OPRM1: variants seen among roughly 807,000 people sequenced by gnomAD.
The protein encoded by OPRM1 is mu-type opioid receptor.
Under a neutral mutation model 31.8 loss-of-function variants are expected in OPRM1, and 27 were observed. The observed-to-expected ratio is 0.85, with a 90% CI of 0.63 to 1.17. The LOEUF (loss-of-function observed/expected upper bound fraction) is 1.17. Ranked by LOEUF, OPRM1 falls within the 50% of genes most tolerant of loss-of-function variation. The probability of loss-of-function intolerance (pLI) is 0.00; values close to 1 mark genes in which losing one functional copy is unlikely to be tolerated. For missense variants in OPRM1, 536 were observed against 511.1 expected (o/e 1.05, Z -0.47); for synonymous variants, 196 against 189.9 (o/e 1.03, Z -0.26).
chr6:154,159,570 C>T (rs979563646), intron 3 of OPRM1: 5 of 484,854 alleles, frequency 1.0e-5, no homozygotes, highest in Admixed American at 4.1e-5. Context: ...CCCACATCAC[C>T]GTGAGCTCCC....
rs1489429167 is a variant in OPRM1 at position 154,172,111 on chromosome 6, T to TA, written c.1165-74581dup. On this transcript the variant is annotated intron_variant, in intron 3 of 3. Coordinates refer to the OPRM1 transcript ENST00000337049. Reference sequence around the variant, plus strand: ...CAATTGAGCCACTAAAAGAAAAAAATATTTTTGACTAAAACATTTTGTTTG... The same window carrying TA: ...CAATTGAGCCACTAAAAGAAAAAAATAATTTTTGACTAAAACATTTTGTTTG... Among the ~76,000 whole-genome samples, 2 of 152,162 alleles carry TA rather than the reference T, an allele frequency of 1.3e-5. 1 individual carries two copies. The highest frequency in any genetic ancestry group is 2.9e-5 in the Non-Finnish European group (2 of 68,022).
intron 3 of OPRM1, among the ~76,000 whole-genome samples, chr6:154,143,825 C>A (rs1037039766): frequency 1.3e-5 from 2 of 152,140 alleles, no homozygotes; most frequent in Non-Finnish European, 2.9e-5. Context: ...ACCACACACA[C>A]ACACACACAA....
chr6:154,080,715 G>GT (rs1381586286), intron 1 of OPRM1, among the ~76,000 whole-genome samples: 1 of 152,142 alleles, frequency 6.6e-6, no homozygotes, highest in Non-Finnish European at 1.5e-5. Flanking sequence ...TGACCCGTAC[G>GT]TGAGTGGCTC....
intron 1 of OPRM1, among the ~76,000 whole-genome samples, chr6:154,047,270 G>A (rs1781299614): frequency 6.7e-6 from 1 of 149,140 alleles, no homozygotes; most frequent in Non-Finnish European, 1.5e-5. Flanking sequence ...TTACTGCACT[G>A]GGAGGCCCAA....
chr6:154,011,244 G>A (rs1007983705), intron 1 of OPRM1, among the ~76,000 whole-genome samples: 2 of 152,140 alleles, frequency 1.3e-5, no homozygotes, highest in Admixed American at 1.3e-4. Context: ...TTTTCTCACA[G>A]TGGCCATAGA....
intron 3 of OPRM1, among the ~76,000 whole-genome samples, chr6:154,200,427 T>C (rs1016371479): frequency 3.3e-5 from 5 of 152,140 alleles, no homozygotes; most frequent in Non-Finnish European, 5.9e-5. Context: ...AAGATAATTA[T>C]GAAAAAGGAG....
At chr6:154,099,922 G>A (rs9384179) in intron 3 of OPRM1, among the ~76,000 whole-genome samples, 99,781 of 141,266 alleles carry the variant, frequency 0.71, 35,460 homozygotes, top group East Asian at 0.9. Context: ...ATCATAACAT[G>A]TATTATCATA....
chr6:154,089,656 G>A lies in OPRM1; in HGVS notation c.291-170G>A, dbSNP rs1040451959. The A allele has an allele frequency of 7.2e-5, 42 of 584,932 alleles. No homozygotes were observed. The African/African-American group carries it at 7.5e-4, about 10-fold the overall frequency. The allele number at this position is 584,932 out of a possible 1,614,324, so 36.2% of individuals were successfully genotyped here. A position where few individuals can be genotyped will look rare whatever the true frequency, so the allele number is the denominator to read the frequency against. ...TATTATTGCAGCTATTTAGCCAATAGGTACATCATTGACATCATTGTAAAT... is the reference window on the plus strand; with the variant it reads ...TATTATTGCAGCTATTTAGCCAATAAGTACATCATTGACATCATTGTAAAT... On this transcript the variant is annotated intron_variant, in intron 1 of 3. Transcript: ENST00000330432.
rs114824308 is a variant in OPRM1, at chr6:154,127,268, C to T, written c.*8547C>T. ...AGATGTCATGCTTTGAAATCAGTGGCCATTATCATCTAAGGATTCCGCCAG... is the reference window on the plus strand; with the variant it reads ...AGATGTCATGCTTTGAAATCAGTGGTCATTATCATCTAAGGATTCCGCCAG... On this transcript the variant is annotated 3_prime_UTR_variant, in exon 4 of 4. Transcript: ENST00000330432. Among the ~76,000 whole-genome samples, 2,907 of 152,156 alleles carry T rather than the reference C, an allele frequency of 0.019. 98 individuals are homozygous for T. Among genetic ancestry groups the T allele is most frequent in the African/African-American group, 0.064 (2,662 of 41,502 alleles).
intron 3 of OPRM1, among the ~76,000 whole-genome samples, chr6:154,147,473 C>T (rs1032453885): frequency 5.3e-5 from 8 of 152,154 alleles, no homozygotes; most frequent in Non-Finnish European, 8.8e-5. Context: ...GTGTCCCAGG[C>T]CTTCATCCCT....
chr6:154,225,885 T>C (rs979900255), intron 3 of OPRM1, among the ~76,000 whole-genome samples: 2 of 152,220 alleles, frequency 1.3e-5, no homozygotes, highest in Admixed American at 6.5e-5. Flanking sequence ...CCAGAGAAAC[T>C]GTAGAGACCA....
rs542134149 is a variant in OPRM1, at chr6:154,091,334, T to G, written c.1026T>G (p.Asp342Glu). 6.2e-7 allele frequency: 1 copy of G among 1,614,224 alleles called. No individual in the cohort carries two copies. The highest frequency in any genetic ancestry group is 1.1e-5 in the South Asian group (1 of 91,086). Residue 342 changes from aspartate to glutamate, a missense_variant, in exon 3 of 4, where the codon GAT becomes GAG. By Grantham distance (45) the Asp-to-Glu change is conservative. Transcript: ENST00000330432. ...ACCCAGTCCTTTATGCATTTCTGGA[T>G]GAAAACTTCAAACGATGCTTCAGAG... ...CLNPVLYAFL[D>E]ENFKRCFREF...
At chr6:154,135,950 A>G (rs1051489081), downstream of OPRM1, among the ~76,000 whole-genome samples, 1 of 152,246 alleles carries the variant, frequency 6.6e-6, no homozygotes. Context: ...ATCGTAGGGA[A>G]TATTAAACTC....
At chr6:154,047,558 A>G (rs1407632604) in intron 1 of OPRM1, among the ~76,000 whole-genome samples, 1 of 151,984 alleles carries the variant, frequency 6.6e-6, no homozygotes, top group Non-Finnish European at 1.5e-5. Flanking sequence ...TCCAAATCTG[A>G]TGCAAAGAGG....
chr6:154,091,556 A>G lies in OPRM1; in HGVS notation c.1164+84A>G, dbSNP rs1792233260. 11 of 1,483,998 alleles carry G rather than the reference A, an allele frequency of 7.4e-6. No homozygotes were observed. In the South Asian group the frequency reaches 1.4e-4, roughly 19 times the overall value. 91.9% of individuals were successfully genotyped at this position (1,483,998 alleles called of 1,614,324 possible). A position where few individuals can be genotyped will look rare whatever the true frequency, so the allele number is the denominator to read the frequency against. ...TTGTGCTAAACTAGGAGTTTAATCC[A>G]TTATAGAGGATGAGAATGGAGGGAA... On this transcript the variant is annotated intron_variant, in intron 3 of 3. Coordinates refer to ENST00000330432, the MANE Select transcript of OPRM1 (RefSeq NM_000914.5).
intron 1 of OPRM1, among the ~76,000 whole-genome samples, chr6:154,081,126 A>G (rs1439951345): frequency 6.6e-6 from 1 of 152,202 alleles, no homozygotes; most frequent in Non-Finnish European, 1.5e-5. Flanking sequence ...ACAAAAGGAG[A>G]AAATGTAGTC....
At chr6:154,188,823 G>GCAA (rs1801610165) in intron 3 of OPRM1, among the ~76,000 whole-genome samples, 1 of 152,150 alleles carries the variant, frequency 6.6e-6, no homozygotes. Flanking sequence ...GGAGTAAGAT[G>GCAA]ATATTGTATC....
chr6:154,032,873 G>T (rs1779089239), intron 1 of OPRM1, among the ~76,000 whole-genome samples: 1 of 152,164 alleles, frequency 6.6e-6, no homozygotes, highest in South Asian at 2.1e-4. Context: ...AAAATGCTTT[G>T]GGCATGTTGT....
At chr6:154,030,787 T>C (rs1028842634) in intron 1 of OPRM1, among the ~76,000 whole-genome samples, 2 of 152,124 alleles carry the variant, frequency 1.3e-5, no homozygotes, top group African/African-American at 2.4e-5. Context: ...ATATCAATTT[T>C]GGCAATCTCT....
Sources: gnomAD v4.1 joint callset for allele counts (sites outside exome capture counted in the v4.1 genomes callset) on GRCh38, gnomAD v4.1.1 for gene constraint, MANE v1.5 for transcripts, NCBI Gene and HGNC (gene_info 2026-07-23, HGNC 2026-07-21) for gene names.